The following SIPA1L1 variants were observed in gnomAD, a reference collection of about 807,000 sequenced individuals.
SIPA1L1 encodes the protein signal induced proliferation associated 1 like 1.
Under a neutral mutation model 162.7 loss-of-function variants are expected in SIPA1L1, and 26 were observed. The ratio of observed to expected loss-of-function variants is 0.16; its 90% CI spans 0.12 to 0.22. The LOEUF is 0.22. Ranked by LOEUF, SIPA1L1 falls within the 10% of genes least tolerant of loss-of-function variation. The pLI is 1.00. For synonymous variants in SIPA1L1, 829 were observed against 837.4 expected, an observed-to-expected ratio of 0.99 and a Z score of 0.17; for missense variants, 1,874 against 2,241.0, an observed-to-expected ratio of 0.84 and a Z score of 3.31.
intron 2 of SIPA1L1, among the ~76,000 whole-genome samples, chr14:71,449,425 A>T (rs887492891): frequency 6.6e-6 from 1 of 152,152 alleles, no homozygotes; most frequent in African/African-American, 2.4e-5. Context: ...CCTGGTGAGT[A>T]ATTTACTACT....
intron 6 of SIPA1L1, among the ~76,000 whole-genome samples, chr14:71,623,666 A>G (rs915928517): frequency 1.4e-4 from 22 of 152,306 alleles, no homozygotes; most frequent in Middle Eastern, 6.8e-3. Flanking sequence ...CTAAGTATTT[A>G]TTCTTCAGAC....
intron 8 of SIPA1L1, among the ~76,000 whole-genome samples, chr14:71,654,705 A>G (rs2042914591): frequency 2.0e-5 from 3 of 152,220 alleles, no homozygotes; most frequent in Admixed American, 6.5e-5. Context: ...GGTGACCTAT[A>G]TAATGCCTGA....
intron 12 of SIPA1L1, among the ~76,000 whole-genome samples, chr14:71,681,713 T>A (rs1383269817): frequency 6.6e-6 from 1 of 152,178 alleles, no homozygotes; most frequent in Non-Finnish European, 1.5e-5. Flanking sequence ...TCCTCAAACA[T>A]AAAACTTTTC....
intron 4 of SIPA1L1, among the ~76,000 whole-genome samples, chr14:71,533,489 A>G (rs964121170): frequency 2.0e-5 from 3 of 152,232 alleles, no homozygotes; most frequent in Non-Finnish European, 4.4e-5. Context: ...TGGCTTTTTA[A>G]TATGTGAATA....
chr14:71,344,817 C>T (rs375114522), intron 2 of SIPA1L1, among the ~76,000 whole-genome samples: 1 of 152,202 alleles, frequency 6.6e-6, no homozygotes, highest in Admixed American at 6.5e-5. Flanking sequence ...CCGCCAGCTT[C>T]AGTCTCCCAA....
At chr14:71,596,768 G>A (rs1014241072) in intron 5 of SIPA1L1, among the ~76,000 whole-genome samples, 3 of 152,068 alleles carry the variant, frequency 2.0e-5, no homozygotes, top group African/African-American at 7.2e-5. Flanking sequence ...TGCTTCCTTT[G>A]TTGGAACTCT....
chr14:71,576,406 A>G (rs1044070733), intron 4 of SIPA1L1: 2 of 152,234 alleles, frequency 1.3e-5, no homozygotes, highest in African/African-American at 2.4e-5. Flanking sequence ...ACTGGTTACA[A>G]TGGATGGAAA....
At chr14:71,657,256 G>A (rs1430376395) in intron 8 of SIPA1L1, among the ~76,000 whole-genome samples, 1 of 150,674 alleles carries the variant, frequency 6.6e-6, no homozygotes, top group Non-Finnish European at 1.5e-5. Flanking sequence ...GCTGAGGCAG[G>A]AGAATCGCTT....
At chr14:71,559,739 G>A (rs138731512) in intron 4 of SIPA1L1, among the ~76,000 whole-genome samples, 51 of 152,062 alleles carry the variant, frequency 3.4e-4, no homozygotes, top group Middle Eastern at 3.4e-3. Flanking sequence ...TTTTTTCTAC[G>A]AAATTAAAAT....
At chr14:71,687,534 T>A (rs2080958782) in intron 13 of SIPA1L1, among the ~76,000 whole-genome samples, 1 of 152,236 alleles carries the variant, frequency 6.6e-6, no homozygotes, top group Non-Finnish European at 1.5e-5. Flanking sequence ...ATATTCCATT[T>A]GAGAATGTAT....
chr14:71,422,440 A>G (rs2043253783), intron 2 of SIPA1L1, among the ~76,000 whole-genome samples: 1 of 152,170 alleles, frequency 6.6e-6, no homozygotes, highest in Non-Finnish European at 1.5e-5. Flanking sequence ...TCATTTCAGT[A>G]AAACTGAAAT....
At chr14:71,626,031 A>C (rs1004908559) in intron 7 of SIPA1L1, among the ~76,000 whole-genome samples, 1 of 152,224 alleles carries the variant, frequency 6.6e-6, no homozygotes, top group South Asian at 2.1e-4. Context: ...TAAGAACACT[A>C]TAAAGAGTTG....
intron 2 of SIPA1L1, among the ~76,000 whole-genome samples, chr14:71,510,156 G>A (rs2051006401): frequency 7.4e-6 from 1 of 134,554 alleles, no homozygotes; most frequent in Admixed American, 7.4e-5. Context: ...GCTCATGCTA[G>A]TTCCCCTTAA....
At chr14:71,378,170 ACT>A (rs2039588277) in intron 2 of SIPA1L1, among the ~76,000 whole-genome samples, 1 of 150,062 alleles carries the variant, frequency 6.7e-6, no homozygotes, top group Non-Finnish European at 1.5e-5. Context: ...ACTTTTAAAG[ACT>A]CAGCTTTTGG....
chr14:71,425,885 A>G (rs1308712580), intron 2 of SIPA1L1, among the ~76,000 whole-genome samples: 1 of 152,124 alleles, frequency 6.6e-6, no homozygotes, highest in Admixed American at 6.6e-5. Context: ...AGTTAGGTGA[A>G]TAAATTTTTA....
At chr14:71,633,150 A>G (rs1032850465) in intron 7 of SIPA1L1, among the ~76,000 whole-genome samples, 6 of 145,124 alleles carry the variant, frequency 4.1e-5, no homozygotes, top group African/African-American at 1.6e-4. Flanking sequence ...ATGTTATGTT[A>G]TGTTATGTTC....
At chr14:71,480,890 A>C (rs2048306440) in intron 2 of SIPA1L1, among the ~76,000 whole-genome samples, 1 of 152,248 alleles carries the variant, frequency 6.6e-6, no homozygotes, top group South Asian at 2.1e-4. Flanking sequence ...CTAGGATCAC[A>C]GTGGACTCTT....
chr14:71,358,622 C>T (rs1166305074), intron 2 of SIPA1L1, among the ~76,000 whole-genome samples: 1 of 152,164 alleles, frequency 6.6e-6, no homozygotes. Flanking sequence ...TGTCCTTTTT[C>T]TTTGCAATAG....
chr14:71,341,903 C>T (rs147165156), intron 2 of SIPA1L1, among the ~76,000 whole-genome samples: 5 of 152,262 alleles, frequency 3.3e-5, no homozygotes, highest in African/African-American at 1.2e-4. Context: ...ATCCAACCCA[C>T]TGTTGATGAA....
Sources: gnomAD v4.1 joint callset for allele counts (sites outside exome capture counted in the v4.1 genomes callset) on GRCh38, gnomAD v4.1.1 for gene constraint, MANE v1.5 for transcripts, NCBI Gene and HGNC (gene_info 2026-07-23, HGNC 2026-07-21) for gene names.